The following XYLT1 variants were observed in gnomAD, a reference collection of about 807,000 sequenced individuals.
XYLT1 encodes xylosyltransferase 1, also known as beta-D-xylosyltransferase 1.
XYLT1 carries 36 observed loss-of-function variants against 91.3 expected under a neutral mutation model. That is an observed-to-expected ratio of 0.39 (90% CI 0.30 to 0.52). The LOEUF (loss-of-function observed/expected upper bound fraction) is 0.52. XYLT1 is among the 20% of genes least tolerant of loss of function. The pLI is 0.68. For synonymous variants in XYLT1, 588 were observed against 532.0 expected, an observed-to-expected ratio of 1.11 and a Z score of -1.45; for missense variants, 1,242 against 1,284.5, an observed-to-expected ratio of 0.97 and a Z score of 0.51.
chr16:17,470,881 C>G lies in XYLT1; in HGVS notation c.-85G>C, dbSNP rs1280246559. ...GCGCTCCCCGCAGCTCCCGCGGCCG[C>G]CGGCTGCCGCTCGGGCTCCCGCTCG... On this transcript the variant is annotated 5_prime_UTR_variant, in exon 1 of 12. Transcript: ENST00000261381. 1 of 976,344 alleles carries G rather than the reference C, an allele frequency of 1.0e-6. No individual in the cohort carries two copies. Among genetic ancestry groups the G allele is most frequent in the Non-Finnish European group, 1.2e-6 (1 of 823,784 alleles). 60.5% of individuals were successfully genotyped at this position (976,344 alleles called of 1,614,324 possible). A position where few individuals can be genotyped will look rare whatever the true frequency, so the allele number is the denominator to read the frequency against.
At chr16:17,339,876 G>C (rs1408200012) in intron 2 of XYLT1, among the ~76,000 whole-genome samples, 1 of 150,292 alleles carries the variant, frequency 6.7e-6, no homozygotes, top group Non-Finnish European at 1.5e-5. Context: ...CCTTCCATCT[G>C]TGTATCCATC....
chr16:17,404,656 C>G (rs1451266913), intron 1 of XYLT1, among the ~76,000 whole-genome samples: 8 of 152,134 alleles, frequency 5.3e-5, no homozygotes, highest in Non-Finnish European at 1.2e-4. Context: ...TCAGAGTTGG[C>G]CAGGCACAGG....
At chr16:17,160,178 T>G (rs190399890) in intron 5 of XYLT1, among the ~76,000 whole-genome samples, 6 of 152,344 alleles carry the variant, frequency 3.9e-5, no homozygotes, top group Admixed American at 3.3e-4. Flanking sequence ...TTAACCTCAC[T>G]GAATGGCAGC....
chr16:17,263,314 A>G (rs1050875602), intron 2 of XYLT1, among the ~76,000 whole-genome samples: 2 of 152,098 alleles, frequency 1.3e-5, no homozygotes, highest in African/African-American at 4.8e-5. Flanking sequence ...TCTGACAATC[A>G]GAGAATGGCC....
At chr16:17,335,128 G>A (rs2034959471) in intron 2 of XYLT1, among the ~76,000 whole-genome samples, 1 of 151,240 alleles carries the variant, frequency 6.6e-6, no homozygotes, top group African/African-American at 2.4e-5. Context: ...AGGAGGCTGA[G>A]GCACAAGACT....
At chr16:17,115,626 C>T (rs371260571) in intron 11 of XYLT1, among the ~76,000 whole-genome samples, 54 of 151,402 alleles carry the variant, frequency 3.6e-4, no homozygotes, top group Non-Finnish European at 6.8e-4. Flanking sequence ...CTATAGACGC[C>T]GGCCACCACA....
intron 1 of XYLT1, among the ~76,000 whole-genome samples, chr16:17,403,919 C>T (rs1482219876): frequency 6.6e-6 from 1 of 152,224 alleles, no homozygotes; most frequent in Non-Finnish European, 1.5e-5. Context: ...TGGACTTGCC[C>T]TTTGGAGCCA....
chr16:17,389,682 T>C (rs1008618950), intron 1 of XYLT1, among the ~76,000 whole-genome samples: 2 of 152,168 alleles, frequency 1.3e-5, no homozygotes, highest in South Asian at 2.1e-4. Flanking sequence ...TCCCTGGCGA[T>C]TGAGAAGTTC....
At chr16:17,445,557 G>A (rs566996843) in intron 1 of XYLT1, among the ~76,000 whole-genome samples, 1 of 152,180 alleles carries the variant, frequency 6.6e-6, no homozygotes, top group Non-Finnish European at 1.5e-5. Context: ...GGGCTGCGTG[G>A]AGGCCTGGGC....
chr16:17,178,490 G>A (rs2031993405), intron 5 of XYLT1, among the ~76,000 whole-genome samples: 1 of 152,204 alleles, frequency 6.6e-6, no homozygotes, highest in Admixed American at 6.5e-5. Flanking sequence ...CAAAGGCCAT[G>A]CCTAGGAAGA....
rs982626733 is a variant in XYLT1 at position 17,108,501 on chromosome 16, G to A, written c.*194C>T. On this transcript the variant is annotated 3_prime_UTR_variant, in exon 12 of 12. Coordinates refer to ENST00000261381, the MANE Select transcript of XYLT1 (RefSeq NM_022166.4). ...GTGCAGGGACTGAGCCATCCCACCCGCAGCTTGCCAAAGGCAGGTTGTTGG... is the reference window on the plus strand; with the variant it reads ...GTGCAGGGACTGAGCCATCCCACCCACAGCTTGCCAAAGGCAGGTTGTTGG... 1.1e-4 allele frequency: 59 copies of A among 551,276 alleles called. No homozygotes were observed. The highest frequency in any genetic ancestry group is 5.3e-4 in the African/African-American group (28 of 52,936). 34.1% of individuals were successfully genotyped at this position (551,276 alleles called of 1,614,324 possible).
At chr16:17,174,113 G>T (rs1368493937) in intron 5 of XYLT1, among the ~76,000 whole-genome samples, 2 of 152,142 alleles carry the variant, frequency 1.3e-5, no homozygotes, top group Non-Finnish European at 2.9e-5. Flanking sequence ...TTGTTCCCTG[G>T]CTGGCCCTCC....
chr16:17,294,043 C>T (rs1409451109), intron 2 of XYLT1, among the ~76,000 whole-genome samples: 1 of 152,156 alleles, frequency 6.6e-6, no homozygotes, highest in Non-Finnish European at 1.5e-5. Context: ...ACTGTCCTCA[C>T]CTGTAAAATA....
Position 17,299,105 on chromosome 16 carries a change from T to A in XYLT1, c.403-39607A>T, listed in dbSNP as rs377151557. On this transcript the variant is annotated intron_variant, in intron 2 of 11. Coordinates refer to ENST00000261381, the MANE Select transcript of XYLT1 (RefSeq NM_022166.4). ...GCTACTTTTTTATGTCCCTTCAGTATGCACAAACCCTGGCACATGACAGGC... is the reference window on the plus strand; with the variant it reads ...GCTACTTTTTTATGTCCCTTCAGTAAGCACAAACCCTGGCACATGACAGGC... Among the ~76,000 whole-genome samples, 40 of 152,352 alleles carry A rather than the reference T, an allele frequency of 2.6e-4. No individual in the cohort carries two copies. In the East Asian group the frequency reaches 5.8e-3, roughly 22 times the overall value.
intron 5 of XYLT1, among the ~76,000 whole-genome samples, chr16:17,165,317 C>A (rs1450268454): frequency 6.6e-6 from 1 of 152,112 alleles, no homozygotes; most frequent in Admixed American, 6.5e-5. Flanking sequence ...TGTGTAATGA[C>A]CTATGCTGCT....
intron 1 of XYLT1, among the ~76,000 whole-genome samples, chr16:17,444,066 C>T (rs2036563903): frequency 6.6e-6 from 1 of 152,200 alleles, no homozygotes; most frequent in Admixed American, 6.5e-5. Context: ...TTCCTCCAGC[C>T]TTCACATTTT....
At chr16:17,458,157 C>T (rs1043043216) in intron 1 of XYLT1, among the ~76,000 whole-genome samples, 1 of 152,188 alleles carries the variant, frequency 6.6e-6, no homozygotes, top group Non-Finnish European at 1.5e-5. Context: ...GCTTTTATTG[C>T]TTCTCCCCTC....
intron 2 of XYLT1, among the ~76,000 whole-genome samples, chr16:17,347,814 A>T (rs2035164872): frequency 6.6e-6 from 1 of 152,206 alleles, no homozygotes; most frequent in African/African-American, 2.4e-5. Flanking sequence ...GATTCTTTAT[A>T]AGGAAAACTA....
chr16:17,386,075 A>G (rs929527656), intron 1 of XYLT1, among the ~76,000 whole-genome samples: 1 of 152,126 alleles, frequency 6.6e-6, no homozygotes, highest in African/African-American at 2.4e-5. Context: ...TTTAGGGGGG[A>G]AAACCGGTAT....
Sources: allele counts gnomAD v4.1 joint callset (sites outside exome capture counted in the v4.1 genomes callset), GRCh38; gene constraint gnomAD v4.1.1; transcripts MANE v1.5; gene names NCBI Gene and HGNC (gene_info 2026-07-23, HGNC 2026-07-21).